Variants in ZBTB7C observed in about 807,000 individuals in gnomAD.
ZBTB7C encodes zinc finger and BTB domain-containing protein 7C.
A neutral mutation model predicts 25.7 loss-of-function variants in ZBTB7C; 8 were observed. The ratio of observed to expected loss-of-function variants is 0.31; its 90% CI spans 0.18 to 0.56. ZBTB7C has a LOEUF of 0.56. ZBTB7C is among the 20% of genes least tolerant of loss of function. ZBTB7C has a pLI of 0.91. For missense variants in ZBTB7C, 824 were observed against 855.2 expected (o/e 0.96, Z 0.46); for synonymous variants, 394 against 369.0 (o/e 1.07, Z -0.78).
In ZBTB7C at chr18:48,217,396, G is replaced by A. The variant is rs116034617; in HGVS notation, c.-78-31401C>T. The stretch of plus-strand genomic sequence containing the variant: ...TGTCACTCCCAGGCTTAAAACCCGC[G>A]GAGGCCTCTCCTGCAGCGTAAGCAC... On this transcript the variant is annotated intron_variant, in intron 2 of 4. Coordinates refer to ENST00000590800, the MANE Select transcript of ZBTB7C (RefSeq NM_001318841.2). Among the ~76,000 whole-genome samples the A allele has an allele frequency of 2.9e-3, 446 of 152,198 alleles. 1 individual carries two copies. Among genetic ancestry groups the A allele is most frequent in the African/African-American group, 0.01 (431 of 41,524 alleles).
At chr18:48,205,240 T>C (rs2042551325) in intron 2 of ZBTB7C, among the ~76,000 whole-genome samples, 1 of 152,144 alleles carries the variant, frequency 6.6e-6, no homozygotes, top group African/African-American at 2.4e-5. Flanking sequence ...GCAAGGCTGC[T>C]AGACAAAAGG....
rs181240011 is a variant in ZBTB7C at position 48,330,509 on chromosome 18, C to T, written c.-79+7665G>A. 1.6e-3 allele frequency among the ~76,000 whole-genome samples: 237 copies of T among 152,242 alleles called. 2 individuals carry two copies. Among genetic ancestry groups the T allele is most frequent in the African/African-American group, 5.4e-3 (225 of 41,538 alleles). ...CTCCACTCAAGTCACCACTGCCAGCCTTTTCCAATGTTTCCATTAGAGTTT... is the reference window on the plus strand; with the variant it reads ...CTCCACTCAAGTCACCACTGCCAGCTTTTTCCAATGTTTCCATTAGAGTTT... On this transcript the variant is annotated intron_variant, in intron 2 of 4. Transcript: ENST00000590800.
chr18:48,165,761 G>A lies in ZBTB7C; in HGVS notation c.-17+20173C>T, dbSNP rs141421920. On this transcript the variant is annotated intron_variant, in intron 3 of 4. Coordinates refer to ENST00000590800, the MANE Select transcript of ZBTB7C (RefSeq NM_001318841.2). ...AATAGGAATGGGGAACTTGAACATC[G>A]TAACCACAACAGCCCCTCTTTGCAG... Among the ~76,000 whole-genome samples the A allele has an allele frequency of 3.9e-3, 591 of 152,292 alleles. 1 individual carries two copies. Among genetic ancestry groups the A allele is most frequent in the African/African-American group, 0.013 (552 of 41,560 alleles).
intron 1 of ZBTB7C, among the ~76,000 whole-genome samples, chr18:48,386,793 T>A (rs2047759484): frequency 1.3e-5 from 2 of 152,232 alleles, no homozygotes; most frequent in Non-Finnish European, 2.9e-5. Flanking sequence ...CTCAAAAAAA[T>A]GTTATCAGAC....
intron 3 of ZBTB7C, among the ~76,000 whole-genome samples, chr18:48,045,055 C>T (rs1012944083): frequency 1.3e-5 from 2 of 152,230 alleles, no homozygotes; most frequent in Non-Finnish European, 2.9e-5. Context: ...GGACAGTAGT[C>T]TCTGCTAACA....
chr18:48,219,252 C>T (rs1406466158), intron 2 of ZBTB7C, among the ~76,000 whole-genome samples: 2 of 152,172 alleles, frequency 1.3e-5, no homozygotes, highest in Non-Finnish European at 2.9e-5. Context: ...TCCTCCCACA[C>T]TGCATATGCT....
intron 2 of ZBTB7C, among the ~76,000 whole-genome samples, chr18:48,323,980 G>A (rs1247849249): frequency 2.0e-5 from 3 of 152,022 alleles, no homozygotes; most frequent in African/African-American, 7.3e-5. Context: ...TAGAATTGGT[G>A]CCTTTTTAAA....
intron 2 of ZBTB7C, among the ~76,000 whole-genome samples, chr18:48,264,145 C>A (rs868271970): frequency 6.6e-6 from 1 of 152,194 alleles, no homozygotes; most frequent in Non-Finnish European, 1.5e-5. Flanking sequence ...ACTGTTAATA[C>A]CTCCAGTGCG....
chr18:48,367,497 T>G (rs771573046), intron 1 of ZBTB7C, among the ~76,000 whole-genome samples: 5 of 150,680 alleles, frequency 3.3e-5, no homozygotes, highest in Non-Finnish European at 5.9e-5. Flanking sequence ...ATCCCAGACT[T>G]GGAGATGAAG....
At chr18:48,301,833 G>C (rs1483550063) in intron 2 of ZBTB7C, among the ~76,000 whole-genome samples, 3 of 152,170 alleles carry the variant, frequency 2.0e-5, no homozygotes, top group Non-Finnish European at 4.4e-5. Context: ...GCAAGCAGAG[G>C]TTCTCACCAT....
intron 3 of ZBTB7C, among the ~76,000 whole-genome samples, chr18:48,179,506 A>T (rs1396484220): frequency 1.3e-5 from 2 of 152,122 alleles, no homozygotes; most frequent in African/African-American, 4.8e-5. Flanking sequence ...CAGGTGGTTA[A>T]GCACCAGGAA....
intron 2 of ZBTB7C, among the ~76,000 whole-genome samples, chr18:48,186,240 G>A (rs570047884): frequency 1.3e-5 from 2 of 152,290 alleles, no homozygotes; most frequent in South Asian, 2.1e-4. Context: ...CGCTGTGCCA[G>A]TCTCAGATTG....
intron 2 of ZBTB7C, among the ~76,000 whole-genome samples, chr18:48,188,857 T>G (rs2042126495): frequency 6.6e-6 from 1 of 152,158 alleles, no homozygotes; most frequent in Admixed American, 6.5e-5. Flanking sequence ...AATTTTACTC[T>G]TTCTACTGGG....
In ZBTB7C at chr18:48,230,749, G is replaced by A. The variant is rs1025099762; in HGVS notation, c.-78-44754C>T. Among the ~76,000 whole-genome samples, 61 of 152,118 alleles carry A rather than the reference G, an allele frequency of 4.0e-4. 1 individual carries two copies. Among genetic ancestry groups the A allele is most frequent in the Non-Finnish European group, 5.0e-4 (34 of 68,036 alleles). On this transcript the variant is annotated intron_variant, in intron 2 of 4. Coordinates refer to ENST00000590800, the MANE Select transcript of ZBTB7C (RefSeq NM_001318841.2). ...CTGAGGCCAGCAGCATGGCGCCATA[G>A]AGGAAGAGTTAACAAACACTGCTAG...
chr18:48,236,394 A>G (rs1006692396), intron 2 of ZBTB7C, among the ~76,000 whole-genome samples: 1 of 152,224 alleles, frequency 6.6e-6, no homozygotes, highest in Non-Finnish European at 1.5e-5. Flanking sequence ...GAAGTGTTTG[A>G]TAAGTCTCTG....
At chr18:48,287,455 G>A (rs1409196036) in intron 2 of ZBTB7C, among the ~76,000 whole-genome samples, 1 of 152,100 alleles carries the variant, frequency 6.6e-6, no homozygotes, top group East Asian at 1.9e-4. Context: ...GAAAACAAGA[G>A]GCCCAAATGG....
intron 2 of ZBTB7C, among the ~76,000 whole-genome samples, chr18:48,328,106 C>G (rs376569869): frequency 6.8e-6 from 1 of 146,414 alleles, no homozygotes; most frequent in African/African-American, 2.6e-5. Context: ...GGCATGAACC[C>G]GGGAGGTGGA....
At chr18:48,069,286 T>C (rs911052205) in intron 3 of ZBTB7C, among the ~76,000 whole-genome samples, 1 of 152,206 alleles carries the variant, frequency 6.6e-6, no homozygotes, top group Non-Finnish European at 1.5e-5. Context: ...TTCCCTTGCT[T>C]GTTGTTTCAT....
chr18:48,389,239 G>A (rs1469950061), intron 1 of ZBTB7C, among the ~76,000 whole-genome samples: 6 of 51,840 alleles, frequency 1.2e-4, no homozygotes, highest in African/African-American at 4.8e-4. Flanking sequence ...TCTCTCTCGT[G>A]TGTGTGTGTG....
Sources: allele counts gnomAD v4.1 joint callset (sites outside exome capture counted in the v4.1 genomes callset), GRCh38; gene constraint gnomAD v4.1.1; transcripts MANE v1.5; gene names NCBI Gene and HGNC (gene_info 2026-07-23, HGNC 2026-07-21).